KCTD2: variants seen among roughly 807,000 people sequenced by gnomAD.
The protein encoded by KCTD2 is BTB/POZ domain-containing protein KCTD2.
KCTD2 carries 18 observed loss-of-function variants against 27.9 expected under a neutral mutation model. The ratio of observed to expected loss-of-function variants is 0.64; its 90% CI spans 0.45 to 0.96. The LOEUF (loss-of-function observed/expected upper bound fraction) is 0.96, where lower values mean the gene tolerates loss of function less well. Among genes scored for constraint, KCTD2 ranks in the 40% least tolerant of loss-of-function variants. The pLI is 0.00. For synonymous variants in KCTD2, 175 were observed against 148.4 expected (o/e 1.18, Z -1.30); for missense variants, 280 against 348.0 (o/e 0.80, Z 1.56).
chr17:75,037,185 A>G (rs1005774449), intron 3 of KCTD2, among the ~76,000 whole-genome samples: 1 of 152,112 alleles, frequency 6.6e-6, no homozygotes, highest in African/African-American at 2.4e-5. Context: ...TCTACTAAAA[A>G]TACAAAAAAT....
chr17:75,062,517 A>G (rs2073414351), intron 5 of KCTD2, among the ~76,000 whole-genome samples: 1 of 152,138 alleles, frequency 6.6e-6, no homozygotes, highest in Non-Finnish European at 1.5e-5. Context: ...GGTTGCCACT[A>G]ATTACTACAG....
chr17:75,039,862 A>G (rs2073140825), intron 3 of KCTD2: 1 of 541,546 alleles, frequency 1.8e-6, no homozygotes, highest in Non-Finnish European at 3.2e-6. Flanking sequence ...TACATTTTCT[A>G]GAGTCTTACA....
chr17:75,040,019 C>T (rs766287396), intron 3 of KCTD2: 2 of 1,517,452 alleles, frequency 1.3e-6, no homozygotes, highest in Admixed American at 3.5e-5. Context: ...TTCACTCTAA[C>T]TTAACTTAGC....
chr17:75,047,350 C>G lies in KCTD2; in HGVS notation c.100C>G (p.Pro34Ala). ...GGGPVRGPPSPRPAGPTPRGH... is the reference protein window; with the variant it reads ...GGGPVRGPPSARPAGPTPRGH... Reference sequence around the variant, plus strand: ...TGGCCCAGTCCGCGGGCCCCCCAGCCCACGCCCGGCTGGCCCCACGCCCCG... The same window carrying G: ...TGGCCCAGTCCGCGGGCCCCCCAGCGCACGCCCGGCTGGCCCCACGCCCCG... The change falls in exon 1 of 6, where the codon CCA (proline) becomes GCA (alanine). Residue 34 changes from proline (P) to alanine (A), a missense_variant. By Grantham distance (27) the Pro-to-Ala change is conservative. Transcript: ENST00000322444. 1 of 1,145,796 alleles carries G rather than the reference C, an allele frequency of 8.7e-7. No homozygotes were observed. The highest frequency in any genetic ancestry group is 1.1e-6 in the Non-Finnish European group (1 of 933,408). 71.0% of individuals were successfully genotyped at this position (1,145,796 alleles called of 1,614,324 possible).
intron 3 of KCTD2, chr17:75,041,626 CAAAA>C (rs2073161750): frequency 6.6e-6 from 1 of 152,156 alleles, no homozygotes; most frequent in Non-Finnish European, 1.5e-5. Context: ...AACTCCGTCT[CAAAA>C]GAAAAAGGAC....
At chr17:75,053,870 T>TG (rs1432318454) in intron 3 of KCTD2, among the ~76,000 whole-genome samples, 1 of 138,972 alleles carries the variant, frequency 7.2e-6, no homozygotes, top group Non-Finnish European at 1.5e-5. Flanking sequence ...TTTTTTTTTT[T>TG]TTTTTTTTTT....
rs142693683 is a variant in KCTD2, at chr17:75,053,125, TAAG to T, written c.540+21_540+23del. ...TCACAAGTAATGTATTTGGAACTGT[TAAG>T]GAGGGTTGTTTCAAGTGGGCTTCTG... On this transcript the variant is annotated intron_variant, in intron 3 of 5. Coordinates refer to ENST00000322444, the MANE Select transcript of KCTD2 (RefSeq NM_015353.3). 2,297 of 1,586,104 alleles carry T rather than the reference TAAG, an allele frequency of 1.4e-3. 19 individuals are homozygous for T. In the East Asian group the frequency reaches 0.017, roughly 12 times the overall value.
intron 3 of KCTD2, chr17:75,036,167 C>T (rs2040112834): frequency 5.4e-6 from 2 of 372,108 alleles, no homozygotes; most frequent in South Asian, 3.8e-5. Flanking sequence ...CATTCTCCTG[C>T]CTCATCCTCC....
In KCTD2 at chr17:75,063,036, T is replaced by C. The variant is rs1296781253; in HGVS notation, c.781T>C (p.Ser261Pro). The change falls in exon 6 of 6, where the codon TCG becomes CCG. Residue 261 changes from serine (S) to proline (P), a missense_variant. By Grantham distance (74) the Ser-to-Pro change is moderately conservative. Coordinates refer to ENST00000322444, the MANE Select transcript of KCTD2 (RefSeq NM_015353.3). The part of the protein sequence containing the change: ...EKAKILQERG[S>P]RM ...CTTTCAGATTCTTCAGGAGAGAGGA[T>C]CGCGGATGTAAACTAAGACCCCGAA... 6.2e-7 allele frequency: 1 copy of C among 1,613,714 alleles called. No homozygotes were observed. The highest frequency in any genetic ancestry group is 8.5e-7 in the Non-Finnish European group (1 of 1,179,950).
upstream of KCTD2, among the ~76,000 whole-genome samples, chr17:75,043,657 T>C (rs964139657): frequency 4.6e-5 from 7 of 150,638 alleles, no homozygotes; most frequent in African/African-American, 1.7e-4. Context: ...ATCCCCTCCA[T>C]GTGCCTCTGG....
At chr17:75,039,683 T>C (rs2073138349) in intron 3 of KCTD2, 2 of 266,782 alleles carry the variant, frequency 7.5e-6, no homozygotes, top group East Asian at 8.7e-5. Flanking sequence ...ACTTGGGTAA[T>C]TTTTCTAATT....
chr17:75,054,322 A>G (rs1465217637), intron 3 of KCTD2, among the ~76,000 whole-genome samples: 1 of 152,090 alleles, frequency 6.6e-6, no homozygotes, highest in Non-Finnish European at 1.5e-5. Context: ...CTTGATTTTG[A>G]TATTAACTCA....
upstream of KCTD2, among the ~76,000 whole-genome samples, chr17:75,043,189 C>T (rs982522297): frequency 1.3e-5 from 2 of 152,196 alleles, no homozygotes; most frequent in Non-Finnish European, 2.9e-5. Context: ...TCAGTGCACC[C>T]TAGCCTGGGC....
chr17:75,055,430 T>C (rs182860152), intron 3 of KCTD2, among the ~76,000 whole-genome samples: 12 of 151,922 alleles, frequency 7.9e-5, no homozygotes, highest in Admixed American at 7.9e-4. Context: ...GTTTTCTGGC[T>C]CTAGGCCAGG....
At chr17:75,047,716 T>G in intron 1 of KCTD2, 127 bp downstream of exon 1, 1 of 840,020 alleles carries the variant, frequency 1.2e-6, no homozygotes, top group Non-Finnish European at 1.8e-6. Context: ...ATCCTCCCCC[T>G]CCCTCCCACA....
chr17:75,034,997 A>T (rs1438671579), intron 2 of KCTD2, among the ~76,000 whole-genome samples: 1 of 152,042 alleles, frequency 6.6e-6, no homozygotes, highest in Non-Finnish European at 1.5e-5. Context: ...CTGGGGCCAG[A>T]GGAAGGGTGA....
intron 1 of KCTD2, among the ~76,000 whole-genome samples, chr17:75,048,404 C>G (rs1268347087): frequency 6.6e-6 from 1 of 152,114 alleles, no homozygotes; most frequent in African/African-American, 2.4e-5. Context: ...TCTTATATCC[C>G]ATATAGCACT....
At chr17:75,058,718 G>A (rs997460965) in intron 3 of KCTD2, among the ~76,000 whole-genome samples, 4 of 152,240 alleles carry the variant, frequency 2.6e-5, no homozygotes, top group Non-Finnish European at 5.9e-5. Context: ...AGAATCGCTT[G>A]AACCGGGGAG....
In KCTD2 at chr17:75,064,999, G is replaced by A. The variant is rs2073442731; in HGVS notation, c.*1952G>A. The A allele has an allele frequency of 6.6e-6, 1 of 152,200 alleles. No individual in the cohort carries two copies. Among genetic ancestry groups the A allele is most frequent in the African/African-American group, 2.4e-5 (1 of 41,430 alleles). The allele number at this position is 152,200 out of a possible 1,614,324, so 9.4% of individuals were successfully genotyped here. A position where few individuals can be genotyped will look rare whatever the true frequency, so the allele number is the denominator to read the frequency against. Reference sequence around the variant, plus strand: ...TCCTGGGGCATGCCTGATCAGCGTGGGCTGGAGCTCCTAGACCAACCCCAG... The same window carrying A: ...TCCTGGGGCATGCCTGATCAGCGTGAGCTGGAGCTCCTAGACCAACCCCAG... On this transcript the variant is annotated 3_prime_UTR_variant, in exon 6 of 6. Transcript: ENST00000322444.
Sources: allele counts gnomAD v4.1 joint callset (sites outside exome capture counted in the v4.1 genomes callset), GRCh38; gene constraint gnomAD v4.1.1; transcripts MANE v1.5; gene names NCBI Gene and HGNC (gene_info 2026-07-23, HGNC 2026-07-21).